MALRD1: variants seen among roughly 807,000 people sequenced by gnomAD.
The protein encoded by MALRD1 is MAM and LDL-receptor class A domain-containing protein 1.
Under a neutral mutation model 242.1 loss-of-function variants are expected in MALRD1, and 247 were observed. The observed-to-expected ratio is 1.02, with a 90% CI of 0.92 to 1.13. MALRD1 has a LOEUF of 1.13. Among genes scored for constraint, MALRD1 ranks in the 50% most tolerant of loss-of-function variants. MALRD1 has a pLI of 0.00. For missense variants in MALRD1, 2,989 were observed against 2,533.1 expected, an observed-to-expected ratio of 1.18 and a Z score of -3.86; for synonymous variants, 995 against 866.6, an observed-to-expected ratio of 1.15 and a Z score of -2.60.
intron 21 of MALRD1, among the ~76,000 whole-genome samples, chr10:19,316,201 C>T (rs1308197282): frequency 6.6e-6 from 1 of 151,596 alleles, no homozygotes; most frequent in Non-Finnish European, 1.5e-5. Context: ...TCTATTAACA[C>T]TGTGTATTTA....
At chr10:19,645,247 T>C (rs986702604) in intron 36 of MALRD1, among the ~76,000 whole-genome samples, 4 of 152,036 alleles carry the variant, frequency 2.6e-5, no homozygotes, top group African/African-American at 9.7e-5. Context: ...GGAGAGGATG[T>C]GGAGAAATAG....
At chr10:19,382,632 A>G (rs1488009098) in intron 26 of MALRD1, among the ~76,000 whole-genome samples, 1 of 152,088 alleles carries the variant, frequency 6.6e-6, no homozygotes, top group Non-Finnish European at 1.5e-5. Flanking sequence ...TAATTCAGAT[A>G]AAGGTCTTGA....
At position 19,718,055 on chromosome 10, in the gene MALRD1, A is replaced by C. The variant is rs60846227; in HGVS notation, c.6315-12651A>C. Among the ~76,000 whole-genome samples the C allele has an allele frequency of 9.6e-3, 1,457 of 151,006 alleles. 20 individuals are homozygous for C. Among genetic ancestry groups the C allele is most frequent in the African/African-American group, 0.029 (1,173 of 41,002 alleles). On this transcript the variant is annotated intron_variant, in intron 38 of 39. Coordinates refer to ENST00000454679, the MANE Select transcript of MALRD1 (RefSeq NM_001142308.3). ...AAAGAGGAAGAAGAAGAGGAAGAAG[A>C]AGAGGAAGAAGAAGAAGGAGAGGAA...
intron 38 of MALRD1, among the ~76,000 whole-genome samples, chr10:19,694,214 A>T (rs567696081): frequency 7.9e-4 from 120 of 152,342 alleles, no homozygotes; most frequent in African/African-American, 2.6e-3. Flanking sequence ...ACAAAAGCCA[A>T]AATTGACAAA....
intron 4 of MALRD1, among the ~76,000 whole-genome samples, chr10:19,103,262 G>C (rs1264146338): frequency 6.6e-6 from 1 of 151,574 alleles, no homozygotes. Flanking sequence ...GGCAAGAGTC[G>C]ATAAGATTTA....
chr10:19,378,701 A>G lies in MALRD1; in HGVS notation c.4442-8827A>G, dbSNP rs916454481. Among the ~76,000 whole-genome samples, 4 of 152,232 alleles carry G rather than the reference A, an allele frequency of 2.6e-5. No individual in the cohort carries two copies. The South Asian group carries it at 6.2e-4, about 24-fold the overall frequency. On this transcript the variant is annotated intron_variant, in intron 26 of 39. Coordinates refer to ENST00000454679, the MANE Select transcript of MALRD1 (RefSeq NM_001142308.3). ...GAACATGATCATGACGTACTGTCTTATGTGCAGAACTTTATTGGCTAATTT... is the reference window on the plus strand; with the variant it reads ...GAACATGATCATGACGTACTGTCTTGTGTGCAGAACTTTATTGGCTAATTT...
At chr10:19,640,041 A>G (rs576678115) in intron 36 of MALRD1, among the ~76,000 whole-genome samples, 1 of 152,244 alleles carries the variant, frequency 6.6e-6, no homozygotes, top group South Asian at 2.1e-4. Flanking sequence ...CTCCCCATTG[A>G]CTGTGAGGCC....
At chr10:19,099,164 C>A (rs970117469) in intron 4 of MALRD1, among the ~76,000 whole-genome samples, 4 of 152,054 alleles carry the variant, frequency 2.6e-5, no homozygotes, top group Non-Finnish European at 5.9e-5. Context: ...GCACAACTGC[C>A]GGCATTCACC....
chr10:19,695,768 C>T (rs1833351670), intron 38 of MALRD1, among the ~76,000 whole-genome samples: 1 of 152,064 alleles, frequency 6.6e-6, no homozygotes, highest in African/African-American at 2.4e-5. Flanking sequence ...TCGTAATCCA[C>T]CTGCCTCAGC....
intron 9 of MALRD1, among the ~76,000 whole-genome samples, chr10:19,135,366 G>T (rs1175059199): frequency 6.6e-6 from 1 of 152,114 alleles, no homozygotes; most frequent in African/African-American, 2.4e-5. Flanking sequence ...TATTGGCCAG[G>T]CTGGTCTCGA....
chr10:19,124,504 G>A lies in MALRD1; in HGVS notation c.797-20G>A. On this transcript the variant is annotated intron_variant, in intron 6 of 39. Coordinates refer to ENST00000454679, the MANE Select transcript of MALRD1 (RefSeq NM_001142308.3). ...CTCTAGCAGACTAATAGTCCACCAA[G>A]ATCTTTTTCTCCCGTTTAGTGTGTC... 8.1e-7 allele frequency: 1 copy of A among 1,233,612 alleles called. No homozygotes were observed. The highest frequency in any genetic ancestry group is 1.0e-6 in the Non-Finnish European group (1 of 987,990). 76.4% of individuals were successfully genotyped at this position (1,233,612 alleles called of 1,614,324 possible). A position where few individuals can be genotyped will look rare whatever the true frequency, so the allele number is the denominator to read the frequency against.
chr10:19,395,335 A>G (rs891607285), intron 28 of MALRD1, among the ~76,000 whole-genome samples: 4 of 152,186 alleles, frequency 2.6e-5, no homozygotes, highest in African/African-American at 9.7e-5. Context: ...TTAGGTAGAC[A>G]TGAGACATCA....
chr10:19,083,587 A>G (rs992142694), intron 2 of MALRD1, among the ~76,000 whole-genome samples: 1 of 151,962 alleles, frequency 6.6e-6, no homozygotes, highest in African/African-American at 2.4e-5. Context: ...TATTATGTCA[A>G]TTTCAGATGG....
chr10:19,516,493 A>G (rs1480140696), intron 31 of MALRD1, among the ~76,000 whole-genome samples: 1 of 152,198 alleles, frequency 6.6e-6, no homozygotes, highest in Non-Finnish European at 1.5e-5. Flanking sequence ...TTAAAGATTT[A>G]GAGTCAAATT....
intron 33 of MALRD1, among the ~76,000 whole-genome samples, chr10:19,574,436 C>T (rs762282189): frequency 3.9e-5 from 6 of 152,160 alleles, no homozygotes; most frequent in Non-Finnish European, 5.9e-5. Flanking sequence ...TTCATACTCA[C>T]CAGTGACCTC....
At chr10:19,366,747 C>T (rs1845128392) in intron 26 of MALRD1, among the ~76,000 whole-genome samples, 2 of 152,086 alleles carry the variant, frequency 1.3e-5, no homozygotes, top group Non-Finnish European at 2.9e-5. Flanking sequence ...TACACATCTC[C>T]TTGTAAGTAC....
chr10:19,438,612 C>T (rs1004628872), intron 28 of MALRD1, among the ~76,000 whole-genome samples: 15 of 152,164 alleles, frequency 9.9e-5, no homozygotes, highest in African/African-American at 3.1e-4. Flanking sequence ...ATTCTACATT[C>T]TTACCAACGT....
intron 4 of MALRD1, among the ~76,000 whole-genome samples, chr10:19,099,749 CTA>C (rs1051105680): frequency 9.3e-6 from 1 of 107,732 alleles, no homozygotes; most frequent in Admixed American, 9.9e-5. Flanking sequence ...TCCATAGAAC[CTA>C]TATATATATA....
chr10:19,171,938 TATC>T (rs1331586432), intron 13 of MALRD1, among the ~76,000 whole-genome samples: 1 of 132,906 alleles, frequency 7.5e-6, no homozygotes, highest in Non-Finnish European at 1.6e-5. Flanking sequence ...GTGATATATA[TATC>T]ATATAATATA....
Sources: allele counts gnomAD v4.1 joint callset (sites outside exome capture counted in the v4.1 genomes callset), GRCh38; gene constraint gnomAD v4.1.1; transcripts MANE v1.5; gene names NCBI Gene and HGNC (gene_info 2026-07-23, HGNC 2026-07-21).